Variants in NTM observed in about 807,000 individuals in gnomAD.
NTM encodes IgLON family member 2.
NTM carries 13 observed loss-of-function variants against 42.1 expected under a neutral mutation model. The observed-to-expected ratio is 0.31, with a 90% CI of 0.20 to 0.49. NTM has a LOEUF of 0.49. NTM is among the 20% of genes least tolerant of loss of function. The pLI is 0.99. For synonymous variants in NTM, 187 were observed against 179.2 expected (o/e 1.04, Z -0.35); for missense variants, 373 against 452.8 (o/e 0.82, Z 1.60).
At chr11:131,718,846 A>C (rs1394635885) in intron 1 of NTM, among the ~76,000 whole-genome samples, 1 of 152,192 alleles carries the variant, frequency 6.6e-6, no homozygotes, top group Non-Finnish European at 1.5e-5. Context: ...CCAGGAAGTC[A>C]GCTGGGATGA....
chr11:131,893,689 C>T (rs921418032), intron 1 of NTM, among the ~76,000 whole-genome samples: 1 of 152,136 alleles, frequency 6.6e-6, no homozygotes, highest in Non-Finnish European at 1.5e-5. Flanking sequence ...GTAATCAAGC[C>T]CCTTACAGCA....
chr11:132,105,029 T>G (rs2062176516), intron 2 of NTM, among the ~76,000 whole-genome samples: 1 of 128,868 alleles, frequency 7.8e-6, no homozygotes. Flanking sequence ...AACATTTGAG[T>G]CAAACAAGGA....
intron 1 of NTM, among the ~76,000 whole-genome samples, chr11:131,743,867 AT>A (rs1458376001): frequency 6.6e-5 from 10 of 152,288 alleles, no homozygotes; most frequent in African/African-American, 2.4e-4. Flanking sequence ...CCCAATGCAT[AT>A]TTTACCATTT....
chr11:132,243,025 C>T (rs1285895536), intron 4 of NTM, among the ~76,000 whole-genome samples: 15 of 152,072 alleles, frequency 9.9e-5, no homozygotes, highest in African/African-American at 3.4e-4. Context: ...ATTTTTGCCC[C>T]TCAATTTTAA....
intron 1 of NTM, among the ~76,000 whole-genome samples, chr11:131,459,268 C>A (rs1168365887): frequency 6.6e-6 from 1 of 152,224 alleles, no homozygotes; most frequent in Non-Finnish European, 1.5e-5. Context: ...TTGTCCTCAC[C>A]TGCTTCTCTA....
At position 131,874,030 on chromosome 11, in the gene NTM, A is replaced by ATAT. The variant is rs1555162935; in HGVS notation, c.83-37534_83-37533insTAT. Among the ~76,000 whole-genome samples, 29 of 76,612 alleles carry ATAT rather than the reference A, an allele frequency of 3.8e-4. 1 individual carries two copies. Among genetic ancestry groups the ATAT allele is most frequent in the Non-Finnish European group, 5.6e-4 (19 of 34,146 alleles). 50.3% of individuals were successfully genotyped at this position (76,612 alleles called of 152,430 possible). A position where few individuals can be genotyped will look rare whatever the true frequency, so the allele number is the denominator to read the frequency against. ...ATAATATATTTATATAATATAATAT[A>ATAT]ATATATATATATATATATATATATA... On this transcript the variant is annotated intron_variant, in intron 1 of 8. Transcript: ENST00000683400.
At chr11:131,683,288 A>G (rs561014839) in intron 1 of NTM, among the ~76,000 whole-genome samples, 1 of 152,288 alleles carries the variant, frequency 6.6e-6, no homozygotes. Context: ...GTGAGGTGAG[A>G]AAGGGACTGG....
chr11:132,128,869 C>A (rs1365214103), intron 2 of NTM, among the ~76,000 whole-genome samples: 1 of 142,134 alleles, frequency 7.0e-6, no homozygotes, highest in Non-Finnish European at 1.5e-5. Flanking sequence ...ATCCGGGAGG[C>A]AGAGTTTGCA....
intron 1 of NTM, among the ~76,000 whole-genome samples, chr11:131,392,463 G>C (rs529858832): frequency 6.6e-6 from 1 of 152,244 alleles, no homozygotes; most frequent in Non-Finnish European, 1.5e-5. Context: ...GGATGGGGTT[G>C]GGCTTCATAG....
At chr11:131,574,641 G>A (rs1289986250) in intron 1 of NTM, among the ~76,000 whole-genome samples, 1 of 151,838 alleles carries the variant, frequency 6.6e-6, no homozygotes, top group Non-Finnish European at 1.5e-5. Flanking sequence ...ATCCTGTCCA[G>A]TGATCTACAG....
intron 1 of NTM, among the ~76,000 whole-genome samples, chr11:131,698,971 T>C (rs919944230): frequency 3.9e-5 from 6 of 152,222 alleles, no homozygotes; most frequent in African/African-American, 1.4e-4. Flanking sequence ...AATTAGGGAA[T>C]TAGGGAAACA....
intron 1 of NTM, among the ~76,000 whole-genome samples, chr11:131,729,794 G>C (rs1291228540): frequency 6.6e-6 from 1 of 152,042 alleles, no homozygotes; most frequent in Non-Finnish European, 1.5e-5. Flanking sequence ...GTGTGGATAT[G>C]CCATATTTTC....
intron 1 of NTM, among the ~76,000 whole-genome samples, chr11:131,634,929 G>A (rs1188045942): frequency 6.6e-6 from 1 of 152,158 alleles, no homozygotes; most frequent in Non-Finnish European, 1.5e-5. Flanking sequence ...ATATACAGAA[G>A]CTGCATATTC....
chr11:131,789,060 G>T (rs958866345), intron 1 of NTM, among the ~76,000 whole-genome samples: 1 of 152,006 alleles, frequency 6.6e-6, no homozygotes, highest in African/African-American at 2.4e-5. Context: ...GTCGACTCTC[G>T]AAATCTTTCT....
chr11:131,512,798 G>A (rs191615772), intron 1 of NTM, among the ~76,000 whole-genome samples: 7 of 152,280 alleles, frequency 4.6e-5, no homozygotes, highest in African/African-American at 1.4e-4. Flanking sequence ...CCATGACGAG[G>A]ATGCAGGCAG....
intron 2 of NTM, among the ~76,000 whole-genome samples, chr11:132,028,974 C>CT (rs1226528752): frequency 6.6e-6 from 1 of 152,116 alleles, no homozygotes; most frequent in Non-Finnish European, 1.5e-5. Flanking sequence ...CTTGTGCACA[C>CT]TGAACCTCCA....
At chr11:132,066,671 A>T (rs2056546501) in intron 2 of NTM, among the ~76,000 whole-genome samples, 2 of 152,076 alleles carry the variant, frequency 1.3e-5, no homozygotes, top group African/African-American at 4.8e-5. Context: ...TTGATACATT[A>T]TCTCATTCTT....
chr11:131,802,961 C>A (rs768125303), intron 1 of NTM, among the ~76,000 whole-genome samples: 30 of 152,184 alleles, frequency 2.0e-4, no homozygotes, highest in South Asian at 4.1e-4. Flanking sequence ...TGTGAGCAGA[C>A]AGATGCAGCC....
chr11:131,968,224 G>A (rs1440974690), intron 2 of NTM, among the ~76,000 whole-genome samples: 4 of 152,194 alleles, frequency 2.6e-5, no homozygotes, highest in Admixed American at 2.0e-4. Context: ...TAAGCAGGCT[G>A]TGACTTGCTC....
Sources: allele counts gnomAD v4.1 joint callset (sites outside exome capture counted in the v4.1 genomes callset), GRCh38; gene constraint gnomAD v4.1.1; transcripts MANE v1.5; gene names NCBI Gene and HGNC (gene_info 2026-07-23, HGNC 2026-07-21).